The following ARMCX4 variants were observed in gnomAD, a reference collection of about 807,000 sequenced individuals.
ARMCX4 encodes armadillo repeat-containing X-linked protein 4.
A neutral mutation model predicts 34.7 loss-of-function variants in ARMCX4; 3 were observed. The observed-to-expected ratio is 0.09, with a 90% CI of 0.04 to 0.22. The LOEUF is 0.22. Ranked by LOEUF, ARMCX4 falls within the 10% of genes least tolerant of loss-of-function variation. The pLI, the probability that ARMCX4 is intolerant of heterozygous loss-of-function variation, is 1.00. For synonymous variants in ARMCX4, 513 were observed against 632.8 expected (o/e 0.81, Z 2.84); for missense variants, 1,448 against 1,720.8 (o/e 0.84, Z 2.81).
At chrX:101,440,324 T>C (rs1372103118) in intron 2 of ARMCX4, among the ~76,000 whole-genome samples, 1 of 111,575 alleles carries the variant, frequency 9.0e-6, no homozygotes, top group Non-Finnish European at 1.9e-5. Context: ...TGCTGCCTGA[T>C]CGTTCCTCTG....
In ARMCX4 at chrX:101,491,886, G is replaced by T; in HGVS notation, c.3297G>T (p.Gly1099=). The T allele has an allele frequency of 2.6e-6, 3 of 1,155,815 alleles. No homozygotes were observed. Among genetic ancestry groups the T allele is most frequent in the Non-Finnish European group, 3.4e-6 (3 of 872,460 alleles). The part of the protein sequence containing the change: ...QPNIHDYYWN[G]IGVEDWIAAE... ...ACATCCATGACTACTACTGGAATGG[G>T]ATTGGTGTTGAAGACTGGATTGCTG... Residue 1099 remains glycine, a synonymous_variant, in exon 6 of 6, where the codon GGG becomes GGT. Coordinates refer to ENST00000423738, the MANE Select transcript of ARMCX4 (RefSeq NM_001256155.3).
intron 11 of ARMCX4, among the ~76,000 whole-genome samples, chrX:101,529,353 A>C (rs1384899147): frequency 9.0e-6 from 1 of 111,508 alleles, no homozygotes; most frequent in Non-Finnish European, 1.9e-5. Context: ...TAAAGACTTA[A>C]ATATTAGACC....
intron 11 of ARMCX4, among the ~76,000 whole-genome samples, chrX:101,512,031 A>G (rs1934590493): frequency 9.0e-6 from 1 of 110,978 alleles, no homozygotes; most frequent in African/African-American, 3.3e-5. Context: ...GAGAGAACTC[A>G]CCTAGTATAG....
At chrX:101,499,743 C>A (rs1603217960), downstream of ARMCX4, among the ~76,000 whole-genome samples, 1 of 111,941 alleles carries the variant, frequency 8.9e-6, no homozygotes, top group African/African-American at 3.2e-5. Context: ...ACACAGTACC[C>A]CTAGTGGGTA....
At chrX:101,421,132 G>A (rs1416321258) in intron 2 of ARMCX4, among the ~76,000 whole-genome samples, 1 of 106,364 alleles carries the variant, frequency 9.4e-6, no homozygotes, top group Non-Finnish European at 1.9e-5. Flanking sequence ...GAACCCGGGA[G>A]GCAGAGGTTG....
At chrX:101,452,929 T>C (rs1555999373) in intron 4 of ARMCX4, among the ~76,000 whole-genome samples, 1 of 109,585 alleles carries the variant, frequency 9.1e-6, no homozygotes, top group Non-Finnish European at 1.9e-5. Context: ...AAACTTATAT[T>C]GAATGAGCAA....
chrX:101,483,026 G>T (rs6621076), upstream of ARMCX4, among the ~76,000 whole-genome samples: 1 of 105,159 alleles, frequency 9.5e-6, no homozygotes, highest in Non-Finnish European at 1.9e-5. Flanking sequence ...CTTGCAAGTA[G>T]CTGGGGTTAT....
Position 101,493,722 on chromosome X carries a change from T to C in ARMCX4, c.5133T>C (p.Ala1711=). 8.7e-7 allele frequency: 1 copy of C among 1,153,975 alleles called. No individual in the cohort carries two copies. The highest frequency in any genetic ancestry group is 1.1e-6 in the Non-Finnish European group (1 of 872,400). ...SEDQATGGSW[A]RSEDQASGRF... The stretch of plus-strand genomic sequence containing the variant: ...ACCAGGCCACTGGAGGATCCTGGGC[T>C]AGATCTGAGGACCAGGCCAGTGGAA... The change falls in exon 6 of 6, where the codon GCT becomes GCC. Residue 1711 remains alanine, a synonymous_variant. Coordinates refer to ENST00000423738, the MANE Select transcript of ARMCX4 (RefSeq NM_001256155.3).
chrX:101,440,452 C>G (rs1347436383), intron 2 of ARMCX4, among the ~76,000 whole-genome samples: 1 of 112,238 alleles, frequency 8.9e-6, no homozygotes, highest in Admixed American at 9.4e-5. Context: ...GGCAGTCTGT[C>G]AGTTCTCAGA....
intron 2 of ARMCX4, among the ~76,000 whole-genome samples, chrX:101,434,599 T>C (rs1930566976): frequency 9.0e-6 from 1 of 111,172 alleles, no homozygotes; most frequent in South Asian, 3.7e-4. Context: ...GGGAAGGGAC[T>C]AACATTTTTT....
intron 11 of ARMCX4, among the ~76,000 whole-genome samples, chrX:101,512,245 G>A (rs1425052017): frequency 2.7e-5 from 3 of 111,576 alleles, no homozygotes; most frequent in Non-Finnish European, 5.7e-5. Context: ...AGCCTGGTGT[G>A]GTGGCAGGCG....
intron 2 of ARMCX4, among the ~76,000 whole-genome samples, chrX:101,424,934 G>A (rs1264350244): frequency 8.9e-6 from 1 of 112,085 alleles, no homozygotes; most frequent in African/African-American, 3.2e-5. Flanking sequence ...GAGCTCAGAA[G>A]GGGCCTATAT....
intron 4 of ARMCX4, among the ~76,000 whole-genome samples, chrX:101,462,635 T>C (rs2147609032): frequency 1.1e-5 from 1 of 89,953 alleles, no homozygotes; most frequent in African/African-American, 4.3e-5. Flanking sequence ...TGAGACTCTG[T>C]CTCAAAAAAA....
rs1382555444 is a variant in ARMCX4, at chrX:101,488,652, C to T, written c.63C>T (p.Cys21=). ...GACTGGTGATCTGGGCTGGCACCTG[C>T]TACTACATTTACAAATTTACCAAGG... ...TAGLVIWAGT[C]YYIYKFTKGR... is the part of the protein sequence containing the mutation. Residue 21 remains cysteine (C), a synonymous_variant, in exon 6 of 6, where the codon TGC becomes TGT. Transcript: ENST00000423738. 3 of 1,156,071 alleles carry T rather than the reference C, an allele frequency of 2.6e-6. No homozygotes were observed.
intron 2 of ARMCX4, among the ~76,000 whole-genome samples, chrX:101,442,534 C>A (rs1422802159): frequency 1.8e-5 from 2 of 111,689 alleles, no homozygotes; most frequent in Non-Finnish European, 3.8e-5. Context: ...ACACCCAAAC[C>A]CAACATCCTT....
chrX:101,441,591 T>TACACAC (rs10631945), intron 2 of ARMCX4, among the ~76,000 whole-genome samples: 6,486 of 104,672 alleles, frequency 0.062, 207 homozygotes, highest in African/African-American at 0.12. Context: ...TATACATACA[T>TACACAC]ACACACACAC....
rs1367798132 is a variant in ARMCX4 at position 101,491,861 on chromosome X, A to C, written c.3272A>C (p.Asn1091Thr). 1.7e-6 allele frequency: 2 copies of C among 1,154,503 alleles called. No homozygotes were observed. The highest frequency in any genetic ancestry group is 3.6e-5 in the African/African-American group (2 of 56,152). The change falls in exon 6 of 6, where the codon AAC becomes ACC. Residue 1091 changes from asparagine (N) to threonine (T), a missense_variant. Asn to Thr is a moderately conservative substitution (Grantham distance 65). Around this residue, in one of 2 missense-constraint regions of ARMCX4, gnomAD observed 1,343 missense variants for 1,540.7 expected, o/e 0.87. Coordinates refer to ENST00000423738, the MANE Select transcript of ARMCX4 (RefSeq NM_001256155.3). ...GTQACRKTQP[N>T]IHDYYWNGIG... ...CAAGCCTGCAGAAAGACTCAGCCTA[A>C]CATCCATGACTACTACTGGAATGGG...
At chrX:101,437,960 G>A (rs1412288361) in intron 2 of ARMCX4, among the ~76,000 whole-genome samples, 1 of 111,822 alleles carries the variant, frequency 8.9e-6, no homozygotes, top group African/African-American at 3.3e-5. Context: ...GCGGTTTTGA[G>A]TGAGTTTCTT....
At chrX:101,437,528 TTC>T (rs1555995306) in intron 2 of ARMCX4, among the ~76,000 whole-genome samples, 1 of 111,989 alleles carries the variant, frequency 8.9e-6, no homozygotes, top group African/African-American at 3.2e-5. Context: ...TATTTGATTC[TTC>T]TCTCTTTTTT....
Sources: allele counts gnomAD v4.1 joint callset (sites outside exome capture counted in the v4.1 genomes callset), GRCh38; gene constraint gnomAD v4.1.1; regional missense constraint gnomAD v4.1.1; transcripts MANE v1.5; gene names NCBI Gene and HGNC (gene_info 2026-07-23, HGNC 2026-07-21).